Variants in CSMD1 observed in about 807,000 individuals in gnomAD.
CSMD1 encodes CUB and Sushi multiple domains 1.
CSMD1 carries 213 observed loss-of-function variants against 417.5 expected under a neutral mutation model. The ratio of observed to expected loss-of-function variants is 0.51; its 90% CI spans 0.46 to 0.57. The LOEUF (loss-of-function observed/expected upper bound fraction) is 0.57, where lower values mean the gene tolerates loss of function less well. Ranked by LOEUF, CSMD1 falls within the 20% of genes least tolerant of loss-of-function variation. The pLI is 0.00. For synonymous variants in CSMD1, 2,862 were observed against 1,736.8 expected, an observed-to-expected ratio of 1.65 and a Z score of -16.11; for missense variants, 6,923 against 4,529.7, an observed-to-expected ratio of 1.53 and a Z score of -15.17.
intron 5 of CSMD1, among the ~76,000 whole-genome samples, chr8:3,875,836 A>C (rs1222162334): frequency 6.6e-6 from 1 of 152,204 alleles, no homozygotes; most frequent in African/African-American, 2.4e-5. Flanking sequence ...TTTGCAGATC[A>C]ATCAAGGATT....
At chr8:3,286,450 G>A (rs150034772) in intron 25 of CSMD1, among the ~76,000 whole-genome samples, 17,364 of 152,002 alleles carry the variant, frequency 0.11, 1,047 homozygotes, top group Middle Eastern at 0.16. Flanking sequence ...CCAAGAGTGT[G>A]AAAGTGTTCC....
rs144204802 is a variant in CSMD1, at chr8:4,640,436, G to C, written c.86-2878C>G. On this transcript the variant is annotated intron_variant, in intron 1 of 69. Coordinates refer to ENST00000635120, the MANE Select transcript of CSMD1 (RefSeq NM_033225.6). ...TGATTGGTGTAAGCCTAAATAGCCAGTGGAACAGAATAGAAAGCCATAAAA... is the reference window on the plus strand; with the variant it reads ...TGATTGGTGTAAGCCTAAATAGCCACTGGAACAGAATAGAAAGCCATAAAA... 3.3e-4 allele frequency among the ~76,000 whole-genome samples: 51 copies of C among 152,272 alleles called. 1 individual carries two copies. The East Asian group carries it at 9.5e-3, about 28-fold the overall frequency.
intron 10 of CSMD1, among the ~76,000 whole-genome samples, chr8:3,522,678 A>T (rs781513124): frequency 2.0e-5 from 3 of 152,026 alleles, no homozygotes; most frequent in Non-Finnish European, 2.9e-5. Context: ...TTCAGTGAGG[A>T]GTAGATCAGT....
chr8:4,398,243 G>A (rs564397900), intron 3 of CSMD1, among the ~76,000 whole-genome samples: 275 of 152,250 alleles, frequency 1.8e-3, no homozygotes, highest in Non-Finnish European at 3.2e-3. Flanking sequence ...ACTCCAAGGA[G>A]GCTGTTGTAA....
intron 2 of CSMD1, among the ~76,000 whole-genome samples, chr8:4,549,811 C>T (rs1034857772): frequency 6.2e-5 from 9 of 146,286 alleles, no homozygotes; most frequent in South Asian, 4.4e-4. Flanking sequence ...GCAGGAGAAT[C>T]GCTTCAGCCC....
chr8:3,986,065 A>T (rs984225702), intron 5 of CSMD1, among the ~76,000 whole-genome samples: 1 of 151,784 alleles, frequency 6.6e-6, no homozygotes, highest in Non-Finnish European at 1.5e-5. Flanking sequence ...TTATATGAAG[A>T]CCCCATCCAA....
chr8:3,937,197 G>A (rs893054875), intron 5 of CSMD1, among the ~76,000 whole-genome samples: 2 of 152,196 alleles, frequency 1.3e-5, no homozygotes, highest in African/African-American at 4.8e-5. Context: ...TGTGAACATT[G>A]TTGAAATGAC....
chr8:4,561,214 C>CA (rs1168514564), intron 2 of CSMD1, among the ~76,000 whole-genome samples: 12 of 151,916 alleles, frequency 7.9e-5, no homozygotes, highest in Admixed American at 6.6e-4. Context: ...TGCTAAAATA[C>CA]AAAAAAACAA....
intron 3 of CSMD1, among the ~76,000 whole-genome samples, chr8:4,141,468 G>A (rs988500961): frequency 1.3e-5 from 2 of 151,096 alleles, no homozygotes; most frequent in African/African-American, 2.5e-5. Context: ...CACTGCTTTT[G>A]TATACAATAT....
intron 3 of CSMD1, among the ~76,000 whole-genome samples, chr8:4,257,162 T>G (rs1208998563): frequency 6.6e-6 from 1 of 151,688 alleles, no homozygotes; most frequent in Non-Finnish European, 1.5e-5. Context: ...TACTAAAAGT[T>G]TGACCTTGAG....
At chr8:3,715,869 G>C (rs1042148384) in intron 6 of CSMD1, among the ~76,000 whole-genome samples, 1 of 152,060 alleles carries the variant, frequency 6.6e-6, no homozygotes, top group Non-Finnish European at 1.5e-5. Context: ...AAAGGCACAC[G>C]GCCTGCAGAC....
chr8:4,823,811 G>C (rs1799655346), intron 1 of CSMD1, among the ~76,000 whole-genome samples: 2 of 151,932 alleles, frequency 1.3e-5, no homozygotes, highest in African/African-American at 2.4e-5. Flanking sequence ...GAGTAGGGGA[G>C]AAAAAGAAAG....
rs117289207 is a variant in CSMD1 at position 4,519,821 on chromosome 8, G to C, written c.303-99756C>G. 3.4e-3 allele frequency among the ~76,000 whole-genome samples: 484 copies of C among 140,646 alleles called. 11 individuals are homozygous for C. The East Asian group carries it at 0.037, about 11-fold the overall frequency. 92.3% of individuals were successfully genotyped at this position (140,646 alleles called of 152,430 possible). The stretch of plus-strand genomic sequence containing the variant: ...GAGCCAGGGATAGCTCTATGAAAGA[G>C]GATATGGCTGAGCTAGATCTTATAG... On this transcript the variant is annotated intron_variant, in intron 2 of 69. Transcript: ENST00000635120.
chr8:3,241,716 T>C (rs934481629), intron 26 of CSMD1, among the ~76,000 whole-genome samples: 14 of 152,168 alleles, frequency 9.2e-5, no homozygotes, highest in Non-Finnish European at 1.9e-4. Context: ...GAGGAACGCC[T>C]GGCCGCTGCG....
At chr8:3,079,484 A>G (rs1158699108) in intron 49 of CSMD1, among the ~76,000 whole-genome samples, 1 of 152,244 alleles carries the variant, frequency 6.6e-6, no homozygotes, top group Non-Finnish European at 1.5e-5. Flanking sequence ...ATAATGAAAT[A>G]GAAGCAAATA....
intron 1 of CSMD1, among the ~76,000 whole-genome samples, chr8:4,689,604 T>A (rs1185888299): frequency 6.6e-6 from 1 of 152,226 alleles, no homozygotes; most frequent in Non-Finnish European, 1.5e-5. Context: ...CAGTAAGATC[T>A]TTTCTAGTTC....
At chr8:3,655,357 A>G (rs533596594) in intron 7 of CSMD1, among the ~76,000 whole-genome samples, 137 of 152,372 alleles carry the variant, frequency 9.0e-4, no homozygotes, top group African/African-American at 3.2e-3. Context: ...CCCTACAGCG[A>G]ATTTGGCAGT....
chr8:4,004,371 A>T (rs867101089), intron 4 of CSMD1, among the ~76,000 whole-genome samples: 41 of 151,768 alleles, frequency 2.7e-4, no homozygotes, highest in African/African-American at 9.2e-4. Flanking sequence ...TATTTAAAAC[A>T]TATTAGAGAT....
intron 10 of CSMD1, among the ~76,000 whole-genome samples, chr8:3,572,139 A>T (rs1799969774): frequency 6.6e-6 from 1 of 152,180 alleles, no homozygotes; most frequent in Non-Finnish European, 1.5e-5. Context: ...TTCACCTCAG[A>T]GTTTTCTGCC....
Sources: allele counts gnomAD v4.1 joint callset (sites outside exome capture counted in the v4.1 genomes callset), GRCh38; gene constraint gnomAD v4.1.1; transcripts MANE v1.5; gene names NCBI Gene and HGNC (gene_info 2026-07-23, HGNC 2026-07-21).